Variants in FGFR2 observed in about 807,000 individuals in gnomAD.
FGFR2 encodes the protein BEK fibroblast growth factor receptor.
In FGFR2, 19 loss-of-function variants were observed where a neutral mutation model predicts 95.9. That is an observed-to-expected ratio of 0.20 (90% confidence interval 0.14 to 0.29). The LOEUF is 0.29. Ranked by LOEUF, FGFR2 falls within the 10% of genes least tolerant of loss-of-function variation. The pLI is 1.00. For missense variants in FGFR2, 707 were observed against 1,056.9 expected, an observed-to-expected ratio of 0.67 and a Z score of 4.59; for synonymous variants, 392 against 393.3, an observed-to-expected ratio of 1.00 and a Z score of 0.04.
intron 5 of FGFR2, among the ~76,000 whole-genome samples, chr10:121,550,456 C>T (rs556815556): frequency 6.6e-6 from 1 of 152,130 alleles, no homozygotes. Context: ...GAGACAGCTG[C>T]CAATTTCAAA....
chr10:121,488,540 CAAAAA>C (rs60596436), intron 13 of FGFR2, among the ~76,000 whole-genome samples: 9 of 103,082 alleles, frequency 8.7e-5, no homozygotes, highest in Non-Finnish European at 8.1e-5. Flanking sequence ...GACTCTGTCT[CAAAAA>C]AAAAAAAAAA....
chr10:121,565,736 C>G (rs1370919536), intron 2 of FGFR2, 32 bp from the exon 3 acceptor site: 1 of 1,613,930 alleles, frequency 6.2e-7, no homozygotes, highest in African/African-American at 1.3e-5. Flanking sequence ...AAGACGGAGA[C>G]AGATGGGAAG....
intron 15 of FGFR2, among the ~76,000 whole-genome samples, chr10:121,486,597 A>G (rs1845436706): frequency 6.6e-6 from 1 of 152,148 alleles, no homozygotes; most frequent in South Asian, 2.1e-4. Flanking sequence ...ACGCATAACT[A>G]CGCCCAGCTA....
chr10:121,592,625 T>C (rs1014591331), intron 2 of FGFR2, among the ~76,000 whole-genome samples: 1 of 152,068 alleles, frequency 6.6e-6, no homozygotes, highest in African/African-American at 2.4e-5. Context: ...TCCTAAACTG[T>C]CCTGATCCAG....
chr10:121,519,216 G>C (rs1850154113), intron 7 of FGFR2, among the ~76,000 whole-genome samples: 1 of 152,198 alleles, frequency 6.6e-6, no homozygotes, highest in African/African-American at 2.4e-5. Context: ...TGAGCAACTA[G>C]ACATGGGAGG....
chr10:121,571,635 C>T (rs2135217475), intron 2 of FGFR2, among the ~76,000 whole-genome samples: 1 of 139,114 alleles, frequency 7.2e-6, no homozygotes, highest in East Asian at 2.1e-4. Flanking sequence ...AACAAACAAA[C>T]AAACAAACAA....
chr10:121,479,807 T>C lies in FGFR2; in HGVS notation c.*50A>G. On this transcript the variant is annotated 3_prime_UTR_variant, in exon 18 of 18. Coordinates refer to ENST00000358487, the MANE Select transcript of FGFR2 (RefSeq NM_000141.5). ...GGAGGCATGGTCTCCCTGCTCAGTGTAGCTAGGTTCCCAGTGCTGTCCTGT... is the reference window on the plus strand; with the variant it reads ...GGAGGCATGGTCTCCCTGCTCAGTGCAGCTAGGTTCCCAGTGCTGTCCTGT... 3 of 1,613,990 alleles carry C rather than the reference T, an allele frequency of 1.9e-6. No individual in the cohort carries two copies. The highest frequency in any genetic ancestry group is 2.5e-6 in the Non-Finnish European group (3 of 1,179,880).
At chr10:121,519,433 C>T (rs979191844) in intron 7 of FGFR2, among the ~76,000 whole-genome samples, 4 of 152,096 alleles carry the variant, frequency 2.6e-5, no homozygotes, top group Admixed American at 2.0e-4. Flanking sequence ...TCTAAATCAC[C>T]TCTGAATGGA....
Position 121,479,695 on chromosome 10 carries a change from C to A in FGFR2, c.*162G>T. 6.4e-7 allele frequency: 1 copy of A among 1,574,742 alleles called. No homozygotes were observed. The highest frequency in any genetic ancestry group is 8.6e-7 in the Non-Finnish European group (1 of 1,158,872). Reference sequence around the variant, plus strand: ...CCTGGGGAAGATTACAAGTTTTCAACTGTATAAATCTTTACACATATGCTG... The same window carrying A: ...CCTGGGGAAGATTACAAGTTTTCAAATGTATAAATCTTTACACATATGCTG... On this transcript the variant is annotated 3_prime_UTR_variant, in exon 18 of 18. Transcript: ENST00000358487.
chr10:121,555,464 T>C (rs909320091), intron 4 of FGFR2, among the ~76,000 whole-genome samples: 4 of 152,192 alleles, frequency 2.6e-5, no homozygotes, highest in Non-Finnish European at 5.9e-5. Context: ...TAGAGGTGTA[T>C]GAAGAGCGGG....
rs533635116 is a variant in FGFR2 at position 121,566,096 on chromosome 10, G to A, written c.110-392C>T. Among the ~76,000 whole-genome samples the A allele has an allele frequency of 5.1e-4, 77 of 152,296 alleles. 1 individual carries two copies. Among genetic ancestry groups the A allele is most frequent in the South Asian group, 3.1e-3 (15 of 4,830 alleles). On this transcript the variant is annotated intron_variant, in intron 2 of 17. Transcript: ENST00000358487. ...AATGCCGAGTTTTACACATTTGTAC[G>A]TGAAACGTGACTGTGCGCCACACAC...
At chr10:121,481,577 T>C (rs1844692326) in intron 17 of FGFR2, among the ~76,000 whole-genome samples, 1 of 152,162 alleles carries the variant, frequency 6.6e-6, no homozygotes, top group Non-Finnish European at 1.5e-5. Flanking sequence ...TTGCTTACAA[T>C]GATAAAAACG....
At chr10:121,497,276 C>T (rs1344403421) in intron 12 of FGFR2, among the ~76,000 whole-genome samples, 6 of 152,146 alleles carry the variant, frequency 3.9e-5, no homozygotes, top group Non-Finnish European at 8.8e-5. Context: ...ACACAGTTGA[C>T]GTGCTCTTCC....
intron 6 of FGFR2, among the ~76,000 whole-genome samples, chr10:121,536,236 C>T (rs918017654): frequency 1.3e-5 from 2 of 152,140 alleles, no homozygotes; most frequent in African/African-American, 2.4e-5. Flanking sequence ...ATTAGTGCTT[C>T]GCAAAGCAAT....
intron 6 of FGFR2, among the ~76,000 whole-genome samples, chr10:121,522,122 A>G (rs1850642127): frequency 6.6e-6 from 1 of 152,174 alleles, no homozygotes; most frequent in South Asian, 2.1e-4. Context: ...GGTGGTTGCC[A>G]GGGGCTGGGA....
chr10:121,486,266 C>G (rs1845388614), intron 15 of FGFR2, among the ~76,000 whole-genome samples: 1 of 152,166 alleles, frequency 6.6e-6, no homozygotes, highest in African/African-American at 2.4e-5. Flanking sequence ...CCGCAGTTTT[C>G]TACAGAGCAA....
At chr10:121,597,244 G>A (rs1169812134) in intron 1 of FGFR2, among the ~76,000 whole-genome samples, 1 of 152,168 alleles carries the variant, frequency 6.6e-6, no homozygotes, top group East Asian at 1.9e-4. Flanking sequence ...GCGCGGCCCC[G>A]TGGCCGAAAA....
chr10:121,590,172 AC>A (rs1862430439), intron 2 of FGFR2, among the ~76,000 whole-genome samples: 1 of 152,132 alleles, frequency 6.6e-6, no homozygotes, highest in Non-Finnish European at 1.5e-5. Flanking sequence ...TCAGGTTGTT[AC>A]TTTTCAGAGT....
chr10:121,582,210 G>A (rs138114483), intron 2 of FGFR2, among the ~76,000 whole-genome samples: 7,442 of 152,052 alleles, frequency 0.049, 469 homozygotes, highest in African/African-American at 0.15. Context: ...GATTACAGGC[G>A]TGAGCCACTG....
Sources: gnomAD v4.1 joint callset for allele counts (sites outside exome capture counted in the v4.1 genomes callset) on GRCh38, gnomAD v4.1.1 for gene constraint, MANE v1.5 for transcripts, NCBI Gene and HGNC (gene_info 2026-07-23, HGNC 2026-07-21) for gene names.